Variants in MYO6 observed in about 807,000 individuals in gnomAD.
MYO6 encodes the protein myosin VI, also known as unconventional myosin-VI.
A neutral mutation model predicts 178.7 loss-of-function variants in MYO6; 74 were observed. That is an observed-to-expected ratio of 0.41 (90% CI 0.34 to 0.50). The LOEUF (loss-of-function observed/expected upper bound fraction) is 0.50, where lower values mean the gene tolerates loss of function less well. Ranked by LOEUF, MYO6 falls within the 20% of genes least tolerant of loss-of-function variation. The pLI is 0.09. For missense variants in MYO6, 1,330 were observed against 1,547.4 expected, an observed-to-expected ratio of 0.86 and a Z score of 2.36; for synonymous variants, 477 against 504.6, an observed-to-expected ratio of 0.95 and a Z score of 0.73.
At chr6:75,762,275 C>A (rs1423546098) in intron 1 of MYO6, among the ~76,000 whole-genome samples, 1 of 152,182 alleles carries the variant, frequency 6.6e-6, no homozygotes, top group Non-Finnish European at 1.5e-5. Flanking sequence ...TATATGCCGT[C>A]ACTTTGAGTG....
In MYO6 at chr6:75,857,170, G is replaced by C; in HGVS notation, c.1297G>C (p.Asp433His). The change falls in exon 13 of 35, where the codon GAT (aspartate) becomes CAT (histidine). Residue 433 changes from aspartate (D) to histidine (H), a missense_variant. Around this residue, in one of 3 missense-constraint regions of MYO6, gnomAD observed 613 missense variants for 816.8 expected, o/e 0.75. Transcript: ENST00000369977. ...AAAGACAGTGTATAGCCATCTTTTT[G>C]ATCATGTGGTAAACAGAGTAAATCA... is the stretch of plus-strand genomic sequence containing the variant. The part of the protein sequence containing the change: ...LAKTVYSHLF[D>H]HVVNRVNQCF... 6.2e-7 allele frequency: 1 copy of C among 1,613,988 alleles called. No homozygotes were observed. Among genetic ancestry groups the C allele is most frequent in the Non-Finnish European group, 8.5e-7 (1 of 1,179,904 alleles).
chr6:75,819,294 C>T (rs996142786), intron 2 of MYO6, among the ~76,000 whole-genome samples: 1 of 152,162 alleles, frequency 6.6e-6, no homozygotes, highest in African/African-American at 2.4e-5. Context: ...TCCCTACTTT[C>T]TGATCAGGTT....
chr6:75,864,141 G>A (rs1352454403), intron 16 of MYO6, among the ~76,000 whole-genome samples: 3 of 152,182 alleles, frequency 2.0e-5, no homozygotes, highest in Non-Finnish European at 2.9e-5. Flanking sequence ...AGTGGAATTA[G>A]GGAACTAATA....
At chr6:75,836,583 T>A (rs1376273508) in intron 7 of MYO6, among the ~76,000 whole-genome samples, 1 of 150,826 alleles carries the variant, frequency 6.6e-6, no homozygotes, top group Admixed American at 6.6e-5. Context: ...TTTCTTTTTC[T>A]TTTCTTTTTT....
At chr6:75,760,794 T>C (rs996003644) in intron 1 of MYO6, among the ~76,000 whole-genome samples, 2 of 152,098 alleles carry the variant, frequency 1.3e-5, no homozygotes, top group Non-Finnish European at 2.9e-5. Context: ...TTGTGGGATC[T>C]TCTAAAAACA....
chr6:75,847,367 G>A (rs1351500594), intron 10 of MYO6, among the ~76,000 whole-genome samples: 2 of 152,094 alleles, frequency 1.3e-5, no homozygotes, highest in Non-Finnish European at 2.9e-5. Flanking sequence ...TCCATCTCCA[G>A]GAGGCATCTT....
chr6:75,813,084 T>G (rs1770851846), intron 1 of MYO6, among the ~76,000 whole-genome samples: 1 of 152,228 alleles, frequency 6.6e-6, no homozygotes, highest in Admixed American at 6.5e-5. Flanking sequence ...TTCTGTGTAC[T>G]TACTATTACC....
intron 11 of MYO6, among the ~76,000 whole-genome samples, chr6:75,850,365 A>G (rs1048156886): frequency 8.5e-5 from 13 of 152,208 alleles, no homozygotes; most frequent in Admixed American, 2.0e-4. Flanking sequence ...TCATAAATAT[A>G]ATGAGGTAGG....
chr6:75,844,831 G>A, intron 9 of MYO6, 66 bp from the exon 10 acceptor site: 2 of 1,323,754 alleles, frequency 1.5e-6, no homozygotes, highest in Non-Finnish European at 1.1e-6. Context: ...GGTAAGTTGT[G>A]TTTTCTCCTG....
intron 20 of MYO6, among the ~76,000 whole-genome samples, chr6:75,874,682 A>C (rs1226867734): frequency 6.6e-6 from 1 of 152,154 alleles, no homozygotes; most frequent in African/African-American, 2.4e-5. Flanking sequence ...TTTCAGATGG[A>C]TCTTTCCCAT....
At chr6:75,842,387 G>GA (rs143133049) in intron 9 of MYO6, among the ~76,000 whole-genome samples, 35 of 152,322 alleles carry the variant, frequency 2.3e-4, no homozygotes, top group African/African-American at 7.5e-4. Context: ...CGTCTGTATA[G>GA]AGTTCCCCAG....
At chr6:75,751,786 A>T (rs1033091458) in intron 1 of MYO6, among the ~76,000 whole-genome samples, 2 of 152,172 alleles carry the variant, frequency 1.3e-5, no homozygotes, top group African/African-American at 4.8e-5. Context: ...GACTTTGACC[A>T]TGTGAGGCTT....
intron 15 of MYO6, 136 bp from the exon 16 acceptor site, chr6:75,862,460 T>C (rs1266625501): frequency 3.7e-6 from 3 of 803,846 alleles, no homozygotes; most frequent in Non-Finnish European, 6.2e-6. Context: ...TCTATAACTT[T>C]TGAGAGAACA....
At chr6:75,757,786 G>T (rs1330742225) in intron 1 of MYO6, among the ~76,000 whole-genome samples, 1 of 151,980 alleles carries the variant, frequency 6.6e-6, no homozygotes, top group Non-Finnish European at 1.5e-5. Context: ...CCTACCTGGT[G>T]TGGTTCTTAT....
At position 75,914,153 on chromosome 6, in the gene MYO6, G is replaced by A. The variant is rs139664153; in HGVS notation, c.3530G>A (p.Arg1177His). ...CGCTTCTTCCGCATCCCATTCATCC[G>A]CCCTGCCGACCAGTACAAAGACCCT... ...QQRFFRIPFI[R>H]PADQYKDPQS... Residue 1177 changes from arginine to histidine, a missense_variant, in exon 34 of 35, where the codon CGC (arginine) becomes CAC (histidine). Coordinates refer to ENST00000369977, the MANE Select transcript of MYO6 (RefSeq NM_004999.4). 1.7e-4 allele frequency: 274 copies of A among 1,614,064 alleles called. 1 individual carries two copies. In the African/African-American group the frequency reaches 3.1e-3, roughly 18 times the overall value.
At chr6:75,779,906 T>C (rs946392385) in intron 1 of MYO6, among the ~76,000 whole-genome samples, 1 of 152,204 alleles carries the variant, frequency 6.6e-6, no homozygotes, top group African/African-American at 2.4e-5. Context: ...CTTTTTCTTC[T>C]TTCCCTTTTA....
intron 1 of MYO6, among the ~76,000 whole-genome samples, chr6:75,780,152 G>A (rs1012654048): frequency 1.3e-5 from 2 of 152,120 alleles, no homozygotes; most frequent in Non-Finnish European, 2.9e-5. Context: ...CTTTAAATAT[G>A]TGATGTGGCC....
chr6:75,759,113 A>G (rs1236889686), intron 1 of MYO6, among the ~76,000 whole-genome samples: 1 of 151,226 alleles, frequency 6.6e-6, no homozygotes, highest in East Asian at 2.0e-4. Flanking sequence ...CAGCTGAGCC[A>G]CCCGCCTCAG....
At chr6:75,849,742 G>A (rs1445800517) in intron 11 of MYO6, among the ~76,000 whole-genome samples, 1 of 152,180 alleles carries the variant, frequency 6.6e-6, no homozygotes, top group African/African-American at 2.4e-5. Context: ...CGTGCAGGGG[G>A]AAGATGTTAC....
Sources: gnomAD v4.1 joint callset for allele counts (sites outside exome capture counted in the v4.1 genomes callset) on GRCh38, gnomAD v4.1.1 for gene constraint, gnomAD v4.1.1 regional missense constraint, MANE v1.5 for transcripts, NCBI Gene and HGNC (gene_info 2026-07-23, HGNC 2026-07-21) for gene names.